Variants in PIEZO2 observed in about 807,000 individuals in gnomAD.
PIEZO2 encodes piezo type mechanosensitive ion channel component 2.
Under a neutral mutation model 337.3 loss-of-function variants are expected in PIEZO2, and 172 were observed. The observed-to-expected ratio is 0.51, with a 90% confidence interval of 0.45 to 0.58. The LOEUF (loss-of-function observed/expected upper bound fraction) is 0.58, where lower values mean the gene tolerates loss of function less well. Among genes scored for constraint, PIEZO2 ranks in the 20% least tolerant of loss-of-function variants. PIEZO2 has a pLI of 0.00. For synonymous variants in PIEZO2, 1,251 were observed against 1,228.5 expected, an observed-to-expected ratio of 1.02 and a Z score of -0.38; for missense variants, 3,028 against 3,391.3, an observed-to-expected ratio of 0.89 and a Z score of 2.66.
intron 3 of PIEZO2, among the ~76,000 whole-genome samples, chr18:10,918,554 G>T (rs530654149): frequency 2.7e-4 from 41 of 152,084 alleles, no homozygotes; most frequent in Middle Eastern, 3.4e-3. Flanking sequence ...GAATTCATCA[G>T]TCTCACTATC....
In PIEZO2 at chr18:10,766,705, A is replaced by G. The variant is rs2038373316; in HGVS notation, c.2946+3443T>C. ...CTGCAAGAGATACTCCTCCCTGTGCAGCAAGTGCTCACTGTGGACACCTCT... is the reference window on the plus strand; with the variant it reads ...CTGCAAGAGATACTCCTCCCTGTGCGGCAAGTGCTCACTGTGGACACCTCT... On this transcript the variant is annotated intron_variant, in intron 21 of 55. Transcript: ENST00000674853. The surrounding 1 kb of genome is among the most constrained non-coding windows in gnomAD (Gnocchi z 6.1). Among the ~76,000 whole-genome samples the G allele has an allele frequency of 6.6e-6, 1 of 152,208 alleles. No homozygotes were observed. The highest frequency in any genetic ancestry group is 6.5e-5 in the Admixed American group (1 of 15,286).
intron 36 of PIEZO2, among the ~76,000 whole-genome samples, chr18:10,721,378 T>G (rs1036215452): frequency 6.6e-6 from 1 of 152,128 alleles, no homozygotes; most frequent in African/African-American, 2.4e-5. Flanking sequence ...ACCAAGAAAG[T>G]GCTGAGTAAA....
chr18:10,855,399 A>G lies in PIEZO2; in HGVS notation c.871T>C (p.Phe291Leu), dbSNP rs1312769659. 2.0e-6 allele frequency: 3 copies of G among 1,536,970 alleles called. No individual in the cohort carries two copies. The highest frequency in any genetic ancestry group is 2.6e-6 in the Non-Finnish European group (3 of 1,146,794). Residue 291 changes from phenylalanine (F) to leucine (L), a missense_variant, in exon 7 of 56, where the codon TTC becomes CTC. Transcript: ENST00000674853. This position sits in a 1 kb window ranked among gnomAD's most constrained non-coding sequence, Gnocchi z 4.9. ...GHLIGLYLYQ[F>L]QFFQEAVPPN... ...GGAACTGCCTCTTGAAAGAATTGGA[A>G]CTGGTATAAATAAAGTCCAATCAAA...
chr18:10,921,040 C>T (rs375337105), intron 3 of PIEZO2, among the ~76,000 whole-genome samples: 11 of 152,052 alleles, frequency 7.2e-5, no homozygotes, highest in East Asian at 5.8e-4. Context: ...GCAACAAGGG[C>T]GAAACTCCGT....
At position 11,149,171 on chromosome 18, in the gene PIEZO2, C is replaced by T. The variant is rs1246877453; in HGVS notation, c.-583G>A. Among the ~76,000 whole-genome samples, 1 of 152,128 alleles carries T rather than the reference C, an allele frequency of 6.6e-6. No homozygotes were observed. The highest frequency in any genetic ancestry group is 1.5e-5 in the Non-Finnish European group (1 of 68,008). On this transcript the variant is annotated 5_prime_UTR_variant, in exon 1 of 56. Transcript: ENST00000674853. This position sits in a 1 kb window ranked among gnomAD's most constrained non-coding sequence, Gnocchi z 8.7. ...CTGCCCGGCGGGCTCCGGGTCTCGC[C>T]CTCCAGCCCCCAGGCGGCCCGCGGC... is the stretch of plus-strand genomic sequence containing the variant.
At chr18:11,113,124 T>C (rs2039784064) in intron 1 of PIEZO2, among the ~76,000 whole-genome samples, 1 of 152,188 alleles carries the variant, frequency 6.6e-6, no homozygotes, top group Non-Finnish European at 1.5e-5. Flanking sequence ...ACCTGGGCTT[T>C]ATGCTCCTGG....
At chr18:10,860,273 C>T (rs537499141) in intron 5 of PIEZO2, among the ~76,000 whole-genome samples, 1 of 152,152 alleles carries the variant, frequency 6.6e-6, no homozygotes, top group East Asian at 1.9e-4. Context: ...GGTGCTGCTG[C>T]CCCTAAGACC....
intron 7 of PIEZO2, among the ~76,000 whole-genome samples, chr18:10,823,050 A>G (rs982244811): frequency 3.3e-5 from 5 of 152,190 alleles, no homozygotes; most frequent in Non-Finnish European, 7.3e-5. Context: ...TTCATGATTC[A>G]GAAAGTATTT....
At chr18:11,052,166 G>C (rs1003439933) in intron 2 of PIEZO2, among the ~76,000 whole-genome samples, 1 of 152,074 alleles carries the variant, frequency 6.6e-6, no homozygotes, top group East Asian at 1.9e-4. Context: ...TTAGTGTATA[G>C]AGGGTACTTA....
chr18:10,959,366 G>T (rs2033669864), intron 3 of PIEZO2, among the ~76,000 whole-genome samples: 1 of 152,056 alleles, frequency 6.6e-6, no homozygotes, highest in South Asian at 2.1e-4. Flanking sequence ...CTAAAGGCAG[G>T]CTGTTAAATA....
chr18:10,756,322 G>T lies in PIEZO2; in HGVS notation c.3923+1647C>A, dbSNP rs1367482955. Reference sequence around the variant, plus strand: ...AGAAGGAGAAATGGAGGATGAAGAGGAAGGATGGGGATGAGTAGTAGAAAT... The same window carrying T: ...AGAAGGAGAAATGGAGGATGAAGAGTAAGGATGGGGATGAGTAGTAGAAAT... On this transcript the variant is annotated intron_variant, in intron 27 of 55. Coordinates refer to ENST00000674853, the MANE Select transcript of PIEZO2 (RefSeq NM_001378183.1). Among the ~76,000 whole-genome samples the T allele has an allele frequency of 2.6e-5, 4 of 150,956 alleles. No homozygotes were observed. The East Asian group carries it at 7.9e-4, about 30-fold the overall frequency.
At position 11,006,272 on chromosome 18, in the gene PIEZO2, G is replaced by A. The variant is rs375032587; in HGVS notation, c.161-26612C>T. On this transcript the variant is annotated intron_variant, in intron 2 of 55. Transcript: ENST00000674853. Reference sequence around the variant, plus strand: ...CAGGTGCAAGGATTCTGTTTGTCTTGCTTTGTTACCACTGAATTCCCAATG... The same window carrying A: ...CAGGTGCAAGGATTCTGTTTGTCTTACTTTGTTACCACTGAATTCCCAATG... Among the ~76,000 whole-genome samples, 16 of 152,236 alleles carry A rather than the reference G, an allele frequency of 1.1e-4. No individual in the cohort carries two copies. In the South Asian group the frequency reaches 2.5e-3, roughly 24 times the overall value.
At position 11,033,997 on chromosome 18, in the gene PIEZO2, TA is replaced by T. The variant is rs535924884; in HGVS notation, c.160+32129del. On this transcript the variant is annotated intron_variant, in intron 2 of 55. Coordinates refer to ENST00000674853, the MANE Select transcript of PIEZO2 (RefSeq NM_001378183.1). The surrounding 1 kb of genome is among the most constrained non-coding windows in gnomAD (Gnocchi z 4.2). The stretch of plus-strand genomic sequence containing the variant: ...TGAAGGGGAAAAAAACCCTCAGATT[TA>T]AAAAAAAATTCGACAGTCTTTAAAA... 4.6e-5 allele frequency among the ~76,000 whole-genome samples: 7 copies of T among 151,640 alleles called. No individual in the cohort carries two copies. Among genetic ancestry groups the T allele is most frequent in the African/African-American group, 1.2e-4 (5 of 41,324 alleles).
At position 10,855,481 on chromosome 18, in the gene PIEZO2, G is replaced by A. The variant is rs1330199790; in HGVS notation, c.789C>T (p.Phe263=). 24 of 1,536,940 alleles carry A rather than the reference G, an allele frequency of 1.6e-5. No homozygotes were observed. The highest frequency in any genetic ancestry group is 4.8e-5 in the South Asian group (4 of 84,052). Residue 263 remains phenylalanine (F), a synonymous_variant, in exon 7 of 56, where the codon TTC becomes TTT. Transcript: ENST00000674853. This position sits in a 1 kb window ranked among gnomAD's most constrained non-coding sequence, Gnocchi z 4.9. The part of the protein sequence containing the change: ...LCTWWSWCRT[F]DPLLFSCLCV... Reference sequence around the variant, plus strand: ...AGAGACAGCTGAACAGCAATGGGTCGAACGTCCGGCACCAGGACCACCAGG... The same window carrying A: ...AGAGACAGCTGAACAGCAATGGGTCAAACGTCCGGCACCAGGACCACCAGG...
In PIEZO2 at chr18:10,795,147, C is replaced by T; in HGVS notation, c.1528-145G>A. ...GAGAGTTGTGGTGGAGTGATGGAGA[C>T]CCCAAGCCGTGGAGTGGTGGCTTGG... On this transcript the variant is annotated intron_variant, in intron 12 of 55. Coordinates refer to ENST00000674853, the MANE Select transcript of PIEZO2 (RefSeq NM_001378183.1). The surrounding 1 kb of genome is among the most constrained non-coding windows in gnomAD (Gnocchi z 4.4). The T allele has an allele frequency of 4.2e-6, 3 of 709,030 alleles. No homozygotes were observed. Among genetic ancestry groups the T allele is most frequent in the Non-Finnish European group, 6.8e-6 (3 of 439,144 alleles). The allele number at this position is 709,030 out of a possible 1,614,324, so 43.9% of individuals were successfully genotyped here. A position where few individuals can be genotyped will look rare whatever the true frequency, so the allele number is the denominator to read the frequency against.
chr18:10,791,359 C>A, intron 13 of PIEZO2, 35 bp from the exon 14 acceptor site: 1 of 1,465,404 alleles, frequency 6.8e-7, no homozygotes. Flanking sequence ...AAGAATTAAG[C>A]AACCATTTGG....
chr18:11,118,293 G>T (rs1427096347), intron 1 of PIEZO2, among the ~76,000 whole-genome samples: 3 of 152,180 alleles, frequency 2.0e-5, no homozygotes, highest in Non-Finnish European at 4.4e-5. Context: ...GGGACCTGGA[G>T]GGGCCCTGGG....
intron 1 of PIEZO2, among the ~76,000 whole-genome samples, chr18:11,139,412 A>G (rs938825628): frequency 2.9e-4 from 44 of 152,068 alleles, no homozygotes; most frequent in African/African-American, 1.0e-3. Context: ...GCAGGCCCTG[A>G]GAAAGATGTG....
At position 10,837,745 on chromosome 18, in the gene PIEZO2, A is replaced by G. The variant is rs566432255; in HGVS notation, c.917+17608T>C. Among the ~76,000 whole-genome samples, 1 of 150,316 alleles carries G rather than the reference A, an allele frequency of 6.7e-6. No homozygotes were observed. Among genetic ancestry groups the G allele is most frequent in the East Asian group, 1.9e-4 (1 of 5,130 alleles). ...CCCAACCATTTTATAAAATTTCCTC[A>G]TTTTTTTTTGTTGTTGTTGTTGTTG... is the stretch of plus-strand genomic sequence containing the variant. On this transcript the variant is annotated intron_variant, in intron 7 of 55. Transcript: ENST00000674853. The surrounding 1 kb of genome is among the most constrained non-coding windows in gnomAD (Gnocchi z 4.4).
Sources: gnomAD v4.1 joint callset for allele counts (sites outside exome capture counted in the v4.1 genomes callset) on GRCh38, gnomAD v4.1.1 for gene constraint, Gnocchi (gnomAD v3.1) non-coding constraint, MANE v1.5 for transcripts, NCBI Gene and HGNC (gene_info 2026-07-23, HGNC 2026-07-21) for gene names.